RIT2: variants seen among roughly 807,000 people sequenced by gnomAD.
The protein encoded by RIT2 is GTP-binding protein Rit2.
Under a neutral mutation model 23.7 loss-of-function variants are expected in RIT2, and 24 were observed. The observed-to-expected ratio is 1.01, with a 90% CI of 0.73 to 1.43. RIT2 has a LOEUF of 1.43. RIT2 is among the 40% of genes most tolerant of loss of function. RIT2 has a pLI of 0.00. For missense variants in RIT2, 236 were observed against 266.9 expected, an observed-to-expected ratio of 0.88 and a Z score of 0.81; for synonymous variants, 107 against 91.1, an observed-to-expected ratio of 1.17 and a Z score of -0.99.
intron 1 of RIT2, among the ~76,000 whole-genome samples, chr18:43,056,797 G>T (rs946676421): frequency 3.3e-5 from 5 of 152,082 alleles, no homozygotes; most frequent in African/African-American, 9.7e-5. Context: ...CCTGGGCTTC[G>T]CCAGGGAGGA....
At chr18:42,748,839 C>CCATTGTA (rs1912979516) in intron 4 of RIT2, among the ~76,000 whole-genome samples, 1 of 151,906 alleles carries the variant, frequency 6.6e-6, no homozygotes, top group Non-Finnish European at 1.5e-5. Flanking sequence ...GCACCAAAAT[C>CCATTGTA]TCAGAAATCA....
At chr18:42,793,868 G>T (rs1914095935) in intron 4 of RIT2, among the ~76,000 whole-genome samples, 1 of 152,074 alleles carries the variant, frequency 6.6e-6, no homozygotes, top group East Asian at 1.9e-4. Flanking sequence ...AGGAAGATGG[G>T]TATCAAGATT....
chr18:43,100,162 G>T (rs1913648571), intron 1 of RIT2, among the ~76,000 whole-genome samples: 1 of 152,086 alleles, frequency 6.6e-6, no homozygotes, highest in Non-Finnish European at 1.5e-5. Flanking sequence ...AGAAAGGTGA[G>T]GTTTTTCAAT....
intron 4 of RIT2, among the ~76,000 whole-genome samples, chr18:42,879,780 C>CT (rs947901726): frequency 1.3e-5 from 2 of 151,928 alleles, no homozygotes; most frequent in Non-Finnish European, 2.9e-5. Flanking sequence ...AAAAATAAAA[C>CT]TTTTTTTTCA....
chr18:43,021,061 C>A (rs902258143), intron 2 of RIT2, among the ~76,000 whole-genome samples: 5 of 151,958 alleles, frequency 3.3e-5, no homozygotes, highest in African/African-American at 1.2e-4. Flanking sequence ...AAACAGTCAA[C>A]AAAATGAAGA....
intron 3 of RIT2, among the ~76,000 whole-genome samples, chr18:42,943,567 T>A (rs1310419917): frequency 1.3e-5 from 2 of 152,184 alleles, no homozygotes; most frequent in Non-Finnish European, 2.9e-5. Context: ...CTTTTACATG[T>A]TTTTATTAAT....
intron 4 of RIT2, among the ~76,000 whole-genome samples, chr18:42,870,909 T>C (rs1907606866): frequency 6.6e-6 from 1 of 152,206 alleles, no homozygotes; most frequent in Non-Finnish European, 1.5e-5. Flanking sequence ...CTTAACAGCT[T>C]AATTTCCCAT....
intron 4 of RIT2, among the ~76,000 whole-genome samples, chr18:42,796,998 A>G (rs1016899494): frequency 6.6e-6 from 1 of 152,198 alleles, no homozygotes; most frequent in African/African-American, 2.4e-5. Context: ...CTAATCTTAG[A>G]TATCTCTAAA....
rs570357887 is a variant in RIT2, at chr18:42,804,167, C to G, written c.427-60447G>C. 5.3e-5 allele frequency among the ~76,000 whole-genome samples: 8 copies of G among 152,310 alleles called. No homozygotes were observed. The South Asian group carries it at 8.3e-4, about 16-fold the overall frequency. The stretch of plus-strand genomic sequence containing the variant: ...TGTCCCAAGGGAAGTTTTTACAAAG[C>G]ATCAGCACTTTCAGGATAACAAAAT... On this transcript the variant is annotated intron_variant, in intron 4 of 4. Transcript: ENST00000326695.
intron 1 of RIT2, among the ~76,000 whole-genome samples, chr18:43,074,722 A>G (rs1406705503): frequency 2.6e-5 from 4 of 152,250 alleles, no homozygotes; most frequent in Admixed American, 2.6e-4. Context: ...AGCCATAAAA[A>G]GGAATGAGAT....
At chr18:42,954,571 G>A (rs905272092) in intron 3 of RIT2, among the ~76,000 whole-genome samples, 3 of 151,942 alleles carry the variant, frequency 2.0e-5, no homozygotes, top group African/African-American at 7.2e-5. Flanking sequence ...AGCCTCACAA[G>A]CTCCATATAA....
At chr18:42,771,964 A>T (rs1913561735) in intron 4 of RIT2, among the ~76,000 whole-genome samples, 1 of 152,086 alleles carries the variant, frequency 6.6e-6, no homozygotes, top group Non-Finnish European at 1.5e-5. Context: ...AAAGATAAAA[A>T]ATCACTCTAA....
chr18:43,092,498 A>T (rs1913446504), intron 1 of RIT2, among the ~76,000 whole-genome samples: 1 of 152,050 alleles, frequency 6.6e-6, no homozygotes, highest in Admixed American at 6.6e-5. Context: ...ATAGATTCTC[A>T]CTGAATATGG....
At position 43,046,515 on chromosome 18, in the gene RIT2, CT is replaced by C. The variant is rs200585573; in HGVS notation, c.104-12649del. 8.6e-4 allele frequency among the ~76,000 whole-genome samples: 131 copies of C among 152,316 alleles called. 1 individual carries two copies. The East Asian group carries it at 0.021, about 24-fold the overall frequency. ...TCTGCCTAAAGCTGGGCTGCTTCTA[CT>C]GGCTTCTAGTCACCTGACAGGCAGA... On this transcript the variant is annotated intron_variant, in intron 1 of 4. Coordinates refer to ENST00000326695, the MANE Select transcript of RIT2 (RefSeq NM_002930.4).
intron 2 of RIT2, among the ~76,000 whole-genome samples, chr18:42,980,116 T>C (rs1910563454): frequency 1.3e-5 from 2 of 152,256 alleles, no homozygotes; most frequent in African/African-American, 4.8e-5. Flanking sequence ...GTCTACCTGT[T>C]TGTTGGCTGT....
At chr18:43,059,142 T>G (rs1422011536) in intron 1 of RIT2, among the ~76,000 whole-genome samples, 2 of 152,136 alleles carry the variant, frequency 1.3e-5, no homozygotes, top group African/African-American at 4.8e-5. Context: ...ATCATCTTTT[T>G]AAGATAGTAG....
intron 2 of RIT2, among the ~76,000 whole-genome samples, chr18:43,029,806 A>G (rs1355188980): frequency 1.3e-5 from 2 of 152,040 alleles, no homozygotes; most frequent in African/African-American, 4.8e-5. Context: ...AATGATTGGC[A>G]TTAGCACAAT....
At chr18:42,924,933 A>G (rs1314021724) in intron 3 of RIT2, among the ~76,000 whole-genome samples, 1 of 152,112 alleles carries the variant, frequency 6.6e-6, no homozygotes, top group Non-Finnish European at 1.5e-5. Context: ...TCCTGAGTTA[A>G]TAAGTGAATT....
intron 3 of RIT2, among the ~76,000 whole-genome samples, chr18:42,948,450 T>G (rs1233755170): frequency 6.6e-6 from 1 of 151,992 alleles, no homozygotes; most frequent in African/African-American, 2.4e-5. Flanking sequence ...AGGGCCAGAA[T>G]GAACAGGTGT....
Sources: allele counts gnomAD v4.1 joint callset (sites outside exome capture counted in the v4.1 genomes callset), GRCh38; gene constraint gnomAD v4.1.1; transcripts MANE v1.5; gene names NCBI Gene and HGNC (gene_info 2026-07-23, HGNC 2026-07-21).